Variants in ULK4 observed in about 807,000 individuals in gnomAD.
The protein encoded by ULK4 is unc-51 like kinase 4.
In ULK4, 133 loss-of-function variants were observed where a neutral mutation model predicts 160.6. That is an observed-to-expected ratio of 0.83 (90% CI 0.72 to 0.96). The LOEUF (loss-of-function observed/expected upper bound fraction) is 0.96. Among genes scored for constraint, ULK4 ranks in the 40% least tolerant of loss-of-function variants. The pLI is 0.00. For missense variants in ULK4, 1,580 were observed against 1,499.5 expected, an observed-to-expected ratio of 1.05 and a Z score of -0.89; for synonymous variants, 534 against 539.8, an observed-to-expected ratio of 0.99 and a Z score of 0.15.
chr3:41,299,397 A>G (rs1251202600), intron 35 of ULK4, among the ~76,000 whole-genome samples: 3 of 152,192 alleles, frequency 2.0e-5, no homozygotes. Flanking sequence ...AACTTTCCTT[A>G]TAACTTGCAA....
chr3:41,812,257 C>T (rs957752956), intron 19 of ULK4, among the ~76,000 whole-genome samples: 2 of 152,114 alleles, frequency 1.3e-5, no homozygotes, highest in African/African-American at 2.4e-5. Context: ...TGCATTCCAG[C>T]CCAGGTGAGA....
chr3:41,348,206 C>CAAAAAAAAAAAAAAAAAAAA (rs1197234650), intron 35 of ULK4, among the ~76,000 whole-genome samples: 1 of 22,964 alleles, frequency 4.4e-5, no homozygotes, highest in African/African-American at 1.7e-4. Context: ...AACTCTGTCT[C>CAAAAAAAAAAAAAAAAAAAA]AAAAAAAAAA....
At chr3:41,582,589 C>T (rs1357773317) in intron 31 of ULK4, among the ~76,000 whole-genome samples, 1 of 152,188 alleles carries the variant, frequency 6.6e-6, no homozygotes, top group African/African-American at 2.4e-5. Context: ...AGGAGGCCTT[C>T]ATCACCTTGC....
chr3:41,790,742 T>C (rs2040125416), intron 20 of ULK4, among the ~76,000 whole-genome samples: 1 of 152,114 alleles, frequency 6.6e-6, no homozygotes, highest in Non-Finnish European at 1.5e-5. Context: ...AACCTTATGA[T>C]CTATCTAGAA....
chr3:41,488,152 T>C (rs937826487), intron 32 of ULK4, among the ~76,000 whole-genome samples: 5 of 152,204 alleles, frequency 3.3e-5, no homozygotes, highest in African/African-American at 1.2e-4. Flanking sequence ...GAACAATACA[T>C]AGAGAATAAT....
At chr3:41,840,558 A>C (rs1302920632) in intron 17 of ULK4, among the ~76,000 whole-genome samples, 21 of 152,166 alleles carry the variant, frequency 1.4e-4, no homozygotes, top group Non-Finnish European at 1.5e-5. Flanking sequence ...GTATTTTTGG[A>C]GGAGACAGGG....
At position 41,961,996 on chromosome 3, in the gene ULK4, A is replaced by G. The variant is rs1559680175; in HGVS notation, c.-49+20T>C. The stretch of plus-strand genomic sequence containing the variant: ...CACGAACTCAGACTCGTAGCTACTA[A>G]AACCGCCACTGCCACGCACCTGGTA... On this transcript the variant is annotated intron_variant, in intron 1 of 36. Coordinates refer to ENST00000301831, the MANE Select transcript of ULK4 (RefSeq NM_017886.4). The G allele has an allele frequency of 6.6e-6, 1 of 152,388 alleles. No individual in the cohort carries two copies. Among genetic ancestry groups the G allele is most frequent in the Non-Finnish European group, 1.5e-5 (1 of 68,168 alleles). The allele number at this position is 152,388 out of a possible 1,614,324, so 9.4% of individuals were successfully genotyped here.
At chr3:41,866,027 T>C (rs566477327) in intron 17 of ULK4, among the ~76,000 whole-genome samples, 90 of 152,182 alleles carry the variant, frequency 5.9e-4, no homozygotes, top group African/African-American at 2.1e-3. Flanking sequence ...AAAGAACTTG[T>C]ATCCAGAATA....
chr3:41,459,169 A>G (rs1575251151), intron 33 of ULK4, among the ~76,000 whole-genome samples: 1 of 152,098 alleles, frequency 6.6e-6, no homozygotes, highest in East Asian at 1.9e-4. Flanking sequence ...CTCCTGCTTC[A>G]GCCTCCCGAG....
chr3:41,617,672 G>A (rs116471880), intron 30 of ULK4, among the ~76,000 whole-genome samples: 8,745 of 152,280 alleles, frequency 0.057, 350 homozygotes, highest in Non-Finnish European at 0.087. Context: ...GGGAAAGTCA[G>A]CACAAAAATG....
chr3:41,706,177 C>A (rs2036871296), intron 25 of ULK4, among the ~76,000 whole-genome samples: 1 of 151,800 alleles, frequency 6.6e-6, no homozygotes. Flanking sequence ...CGGCTGTGAG[C>A]TCTGAGGCCT....
chr3:41,272,462 A>G lies in ULK4; in HGVS notation c.3679-22888T>C, dbSNP rs73827997. Among the ~76,000 whole-genome samples the G allele has an allele frequency of 5.7e-3, 807 of 142,680 alleles. 13 individuals carry two copies. Among genetic ancestry groups the G allele is most frequent in the African/African-American group, 0.02 (766 of 38,760 alleles). The allele number at this position is 142,680 out of a possible 152,430, so 93.6% of individuals were successfully genotyped here. On this transcript the variant is annotated intron_variant, in intron 35 of 36. Coordinates refer to ENST00000301831, the MANE Select transcript of ULK4 (RefSeq NM_017886.4). ...CCTTGTATTCTCACTTGCACTGTTT[A>G]TAAGAATGTGCCATTATCCTTTGTT...
intron 32 of ULK4, among the ~76,000 whole-genome samples, chr3:41,507,574 C>T (rs1356458086): frequency 7.7e-6 from 1 of 130,130 alleles, no homozygotes; most frequent in Non-Finnish European, 1.6e-5. Flanking sequence ...TTTCTTCCCA[C>T]GGTAAAAACA....
Position 41,819,485 on chromosome 3 carries a change from T to C in ULK4, c.1786A>G (p.Arg596Gly). The C allele has an allele frequency of 6.2e-7, 1 of 1,606,890 alleles. No homozygotes were observed. The highest frequency in any genetic ancestry group is 1.1e-5 in the South Asian group (1 of 90,180). ...GCCAAGGGAACAGCCCAGCACTCTC[T>C]AGGGTTCTTTTTTTTTTCTTCCTAA... ...ATQEEKKKNP[R>G]ECWAVPLAAY... Residue 596 changes from arginine (R) to glycine (G), a missense_variant, in exon 19 of 37, where the codon AGA (arginine) becomes GGA (glycine). Physicochemically the swap from Arg to Gly is moderately radical, Grantham distance 125. Coordinates refer to ENST00000301831, the MANE Select transcript of ULK4 (RefSeq NM_017886.4).
chr3:41,261,634 T>C (rs2078945037), intron 35 of ULK4, among the ~76,000 whole-genome samples: 1 of 152,158 alleles, frequency 6.6e-6, no homozygotes, highest in South Asian at 2.1e-4. Flanking sequence ...CTCTTGTAAA[T>C]TGCATAGCGC....
intron 35 of ULK4, among the ~76,000 whole-genome samples, chr3:41,360,714 G>A (rs188665314): frequency 1.1e-4 from 17 of 152,242 alleles, no homozygotes; most frequent in Admixed American, 7.2e-4. Flanking sequence ...GAGCCTGAAC[G>A]ATGAGAACAC....
At chr3:41,714,452 C>T (rs1421593173) in intron 25 of ULK4, among the ~76,000 whole-genome samples, 1 of 152,068 alleles carries the variant, frequency 6.6e-6, no homozygotes. Flanking sequence ...TTTTGAAAAT[C>T]TCTGTTCAGT....
Position 41,465,609 on chromosome 3 carries a change from G to A in ULK4, c.3227-2356C>T, listed in dbSNP as rs372591747. Among the ~76,000 whole-genome samples the A allele has an allele frequency of 1.2e-3, 178 of 152,078 alleles. 1 individual carries two copies. The highest frequency in any genetic ancestry group is 3.4e-3 in the African/African-American group (140 of 41,498). Reference sequence around the variant, plus strand: ...AATTTTTTATGCCACTTATTTGTTGGATAAATTAGAACAGTTTTCTTGTAG... The same window carrying A: ...AATTTTTTATGCCACTTATTTGTTGAATAAATTAGAACAGTTTTCTTGTAG... On this transcript the variant is annotated intron_variant, in intron 32 of 36. Coordinates refer to ENST00000301831, the MANE Select transcript of ULK4 (RefSeq NM_017886.4).
At chr3:41,550,801 G>A (rs945455412) in intron 32 of ULK4, among the ~76,000 whole-genome samples, 21 of 151,804 alleles carry the variant, frequency 1.4e-4, no homozygotes, top group African/African-American at 4.1e-4. Flanking sequence ...ATACATTTGC[G>A]GAACATTTAA....
Sources: allele counts gnomAD v4.1 joint callset (sites outside exome capture counted in the v4.1 genomes callset), GRCh38; gene constraint gnomAD v4.1.1; transcripts MANE v1.5; gene names NCBI Gene and HGNC (gene_info 2026-07-23, HGNC 2026-07-21).